Variants in RASGEF1A observed in about 807,000 individuals in gnomAD.
RASGEF1A encodes RasGEF domain family member 1A, also known as ras-GEF domain-containing family member 1A.
RASGEF1A carries 18 observed loss-of-function variants against 56.4 expected under a neutral mutation model. That is an observed-to-expected ratio of 0.32 (90% CI 0.22 to 0.47). RASGEF1A has a LOEUF of 0.47. Ranked by LOEUF, RASGEF1A falls within the 20% of genes least tolerant of loss-of-function variation. The pLI, the probability that RASGEF1A is intolerant of heterozygous loss-of-function variation, is 1.00. For synonymous variants in RASGEF1A, 245 were observed against 242.6 expected, an observed-to-expected ratio of 1.01 and a Z score of -0.09; for missense variants, 422 against 627.1, an observed-to-expected ratio of 0.67 and a Z score of 3.49.
At chr10:43,205,814 C>G in intron 2 of RASGEF1A, 105 bp downstream of exon 2, 1 of 948,162 alleles carries the variant, frequency 1.1e-6, no homozygotes, top group South Asian at 1.5e-5. Context: ...CTCCTGCAGC[C>G]CTGTCCAGCT....
chr10:43,236,575 G>A lies in RASGEF1A; in HGVS notation c.-7+30270C>T, dbSNP rs374842395. On this transcript the variant is annotated intron_variant, in intron 1 of 12. Coordinates refer to ENST00000395810, the MANE Select transcript of RASGEF1A (RefSeq NM_145313.4). Reference sequence around the variant, plus strand: ...ACTGGCCAGCATACACCTTCTCTCCGTCTCTCGCGCCCTCCCTCCTCCTCT... The same window carrying A: ...ACTGGCCAGCATACACCTTCTCTCCATCTCTCGCGCCCTCCCTCCTCCTCT... Among the ~76,000 whole-genome samples the A allele has an allele frequency of 2.4e-4, 37 of 152,288 alleles. 1 individual carries two copies. The South Asian group carries it at 3.5e-3, about 14-fold the overall frequency.
intron 1 of RASGEF1A, among the ~76,000 whole-genome samples, chr10:43,217,030 G>A (rs984968223): frequency 3.9e-5 from 6 of 152,244 alleles, no homozygotes; most frequent in East Asian, 3.9e-4. Flanking sequence ...AGAGCCCTCC[G>A]GGATCCCACC....
chr10:43,200,898 C>A lies in RASGEF1A; in HGVS notation c.460-10G>T. 6.2e-7 allele frequency: 1 copy of A among 1,611,718 alleles called. No homozygotes were observed. Among genetic ancestry groups the A allele is most frequent in the East Asian group, 2.2e-5 (1 of 44,830 alleles). On this transcript the variant is annotated splice_polypyrimidine_tract_variant and intron_variant, in intron 4 of 12. Transcript: ENST00000395810. Reference sequence around the variant, plus strand: ...TCACTGTGCCATTCTCCTGTGGGGTCAAGGGCAATAAGGGTGCCAGCATGG... The same window carrying A: ...TCACTGTGCCATTCTCCTGTGGGGTAAAGGGCAATAAGGGTGCCAGCATGG...
chr10:43,253,519 ATCTT>A (rs1840650239), intron 1 of RASGEF1A, among the ~76,000 whole-genome samples: 1 of 152,238 alleles, frequency 6.6e-6, no homozygotes, highest in Non-Finnish European at 1.5e-5. Flanking sequence ...AAGTTGAAGA[ATCTT>A]TCCCCGCTGC....
At chr10:43,256,982 C>T (rs886932465) in intron 1 of RASGEF1A, among the ~76,000 whole-genome samples, 1 of 152,164 alleles carries the variant, frequency 6.6e-6, no homozygotes, top group South Asian at 2.1e-4. Context: ...AATCATTAGG[C>T]TCATTTCTGT....
intron 1 of RASGEF1A, among the ~76,000 whole-genome samples, chr10:43,231,136 A>C (rs1840361155): frequency 6.6e-6 from 1 of 152,212 alleles, no homozygotes; most frequent in Non-Finnish European, 1.5e-5. Flanking sequence ...AGCTTTCACA[A>C]TGTCCTCCCC....
chr10:43,239,418 C>A (rs1453890228), intron 1 of RASGEF1A, among the ~76,000 whole-genome samples: 1 of 152,186 alleles, frequency 6.6e-6, no homozygotes, highest in Non-Finnish European at 1.5e-5. Context: ...AAAACCCTCT[C>A]TTCCATAAAC....
chr10:43,198,847 C>T, intron 9 of RASGEF1A, 86 bp downstream of exon 9: 1 of 1,269,528 alleles, frequency 7.9e-7, no homozygotes, highest in Non-Finnish European at 1.1e-6. Flanking sequence ...AGGGCAGCCC[C>T]CCACCCCCAC....
chr10:43,252,691 A>C (rs889073659), intron 1 of RASGEF1A, among the ~76,000 whole-genome samples: 2 of 152,072 alleles, frequency 1.3e-5, no homozygotes, highest in African/African-American at 2.4e-5. Flanking sequence ...GGGGCTTTTT[A>C]GCACAGACAG....
intron 1 of RASGEF1A, among the ~76,000 whole-genome samples, chr10:43,265,182 A>G (rs1836601878): frequency 6.6e-6 from 1 of 152,146 alleles, no homozygotes; most frequent in Non-Finnish European, 1.5e-5. Flanking sequence ...TTACACCAAA[A>G]AACCCCTCTG....
intron 4 of RASGEF1A, among the ~76,000 whole-genome samples, 191 bp from the exon 5 acceptor site, chr10:43,201,079 G>T (rs941270096): frequency 1.3e-5 from 2 of 152,236 alleles, no homozygotes; most frequent in African/African-American, 4.8e-5. Context: ...GGACTGCTGA[G>T]GAGGGGTCTC....
At chr10:43,205,418 C>T (rs1839978396) in intron 2 of RASGEF1A, among the ~76,000 whole-genome samples, 1 of 152,146 alleles carries the variant, frequency 6.6e-6, no homozygotes, top group Admixed American at 6.5e-5. Flanking sequence ...CCGAGTCAGC[C>T]TGAACAGTGC....
chr10:43,264,627 T>C (rs1670571738), intron 1 of RASGEF1A, among the ~76,000 whole-genome samples: 1 of 135,518 alleles, frequency 7.4e-6, no homozygotes, highest in South Asian at 2.4e-4. Flanking sequence ...CCCAAGCAGA[T>C]GGCCTCAGGA....
chr10:43,229,885 C>T, intron 1 of RASGEF1A: 1 of 527,050 alleles, frequency 1.9e-6, no homozygotes, highest in Non-Finnish European at 2.9e-6. Context: ...GGGGCGGGGC[C>T]GAGGCTAGGA....
chr10:43,238,701 T>C (rs909569682), intron 1 of RASGEF1A, among the ~76,000 whole-genome samples: 2 of 152,196 alleles, frequency 1.3e-5, no homozygotes, highest in Admixed American at 6.5e-5. Context: ...GTGGGGATAC[T>C]GAGGGACCCT....
At position 43,231,784 on chromosome 10, in the gene RASGEF1A, C is replaced by A. The variant is rs147462379; in HGVS notation, c.-6-25662G>T. ...TATGCTGGGGCTGAGCCCTGCCAGG[C>A]GTCCTGCTTGCATCCCTGCAGCTGG... is the stretch of plus-strand genomic sequence containing the variant. On this transcript the variant is annotated intron_variant, in intron 1 of 12. Coordinates refer to ENST00000395810, the MANE Select transcript of RASGEF1A (RefSeq NM_145313.4). 2.1e-3 allele frequency among the ~76,000 whole-genome samples: 316 copies of A among 152,360 alleles called. 6 individuals carry two copies. Among genetic ancestry groups the A allele is most frequent in the East Asian group, 1.5e-3 (8 of 5,188 alleles).
intron 1 of RASGEF1A, among the ~76,000 whole-genome samples, chr10:43,256,740 C>T (rs935547626): frequency 2.0e-5 from 3 of 152,198 alleles, no homozygotes; most frequent in Admixed American, 6.5e-5. Flanking sequence ...TGCCCCCACT[C>T]GCGCCATCTG....
chr10:43,210,760 G>A (rs1840055131), intron 1 of RASGEF1A, among the ~76,000 whole-genome samples: 3 of 152,252 alleles, frequency 2.0e-5, no homozygotes, highest in South Asian at 4.1e-4. Context: ...AGGCACAGAC[G>A]GGGCCGGGGC....
intron 3 of RASGEF1A, 31 bp downstream of exon 3, chr10:43,203,267 C>A: frequency 1.3e-6 from 2 of 1,535,646 alleles, no homozygotes; most frequent in South Asian, 1.2e-5. Context: ...CCCCCTGCCC[C>A]CGCCCGTGCC....
Sources: gnomAD v4.1 joint callset for allele counts (sites outside exome capture counted in the v4.1 genomes callset) on GRCh38, gnomAD v4.1.1 for gene constraint, MANE v1.5 for transcripts, NCBI Gene and HGNC (gene_info 2026-07-23, HGNC 2026-07-21) for gene names.